NAALADL2: variants seen among roughly 807,000 people sequenced by gnomAD.
The protein encoded by NAALADL2 is N-acetylated alpha-linked acidic dipeptidase like 2, also known as inactive N-acetylated-alpha-linked acidic dipeptidase-like protein 2.
A neutral mutation model predicts 87.2 loss-of-function variants in NAALADL2; 76 were observed. The ratio of observed to expected loss-of-function variants is 0.87; its 90% CI spans 0.72 to 1.05. The LOEUF (loss-of-function observed/expected upper bound fraction) is 1.05. NAALADL2 is among the 50% of genes least tolerant of loss of function. NAALADL2 has a pLI of 0.00. For synonymous variants in NAALADL2, 354 were observed against 331.0 expected (o/e 1.07, Z -0.75); for missense variants, 1,089 against 945.8 (o/e 1.15, Z -1.99).
chr3:175,198,012 T>G (rs1580883383), intron 2 of NAALADL2, among the ~76,000 whole-genome samples: 1 of 152,248 alleles, frequency 6.6e-6, no homozygotes, highest in East Asian at 1.9e-4. Flanking sequence ...AAGATATTTT[T>G]GATACTTTAA....
chr3:174,507,509 G>C (rs73881199), intron 1 of NAALADL2, among the ~76,000 whole-genome samples: 4,785 of 151,796 alleles, frequency 0.032, 243 homozygotes, highest in African/African-American at 0.11. Flanking sequence ...GTATATAGCC[G>C]ACTACATTCA....
Position 175,487,198 on chromosome 3 carries a change from G to A in NAALADL2, c.1653+15440G>A, listed in dbSNP as rs184543791. On this transcript the variant is annotated intron_variant, in intron 9 of 13. Coordinates refer to ENST00000454872, the MANE Select transcript of NAALADL2 (RefSeq NM_207015.3). ...TTGCCATTGTGATTTTTCACAGCGA[G>A]ACCCACCTCATCTACCTTCTGTAAT... 3.3e-5 allele frequency among the ~76,000 whole-genome samples: 5 copies of A among 152,188 alleles called. No homozygotes were observed. The East Asian group carries it at 9.7e-4, about 29-fold the overall frequency.
At chr3:175,559,671 CT>C (rs1715952502) in intron 9 of NAALADL2, among the ~76,000 whole-genome samples, 1 of 152,082 alleles carries the variant, frequency 6.6e-6, no homozygotes, top group Non-Finnish European at 1.5e-5. Context: ...TTATTAAATG[CT>C]TTTTCAGCAT....
intron 1 of NAALADL2, among the ~76,000 whole-genome samples, chr3:175,033,976 A>G (rs1232894193): frequency 2.6e-5 from 4 of 152,152 alleles, no homozygotes; most frequent in African/African-American, 9.7e-5. Flanking sequence ...AAGCCTCACC[A>G]CTGTGTACGG....
intron 1 of NAALADL2, among the ~76,000 whole-genome samples, chr3:175,087,478 G>A (rs1221273547): frequency 6.6e-6 from 1 of 152,234 alleles, no homozygotes; most frequent in African/African-American, 2.4e-5. Context: ...AGGGGGAAAT[G>A]TGGGGAAAAG....
intron 5 of NAALADL2, among the ~76,000 whole-genome samples, chr3:175,397,594 A>G (rs1331830537): frequency 6.6e-6 from 1 of 152,166 alleles, no homozygotes; most frequent in Non-Finnish European, 1.5e-5. Context: ...AGGTTCAGTG[A>G]GCTGGACAAG....
chr3:174,922,878 T>G (rs1166243262), intron 1 of NAALADL2, among the ~76,000 whole-genome samples: 1 of 152,204 alleles, frequency 6.6e-6, no homozygotes, highest in African/African-American at 2.4e-5. Flanking sequence ...GACTTATCAG[T>G]ATGTCTTTTT....
chr3:175,393,040 C>T (rs577269600), intron 5 of NAALADL2, among the ~76,000 whole-genome samples: 152 of 151,710 alleles, frequency 1.0e-3, no homozygotes, highest in African/African-American at 3.6e-3. Context: ...TTTGGGAGGC[C>T]GAGGCGGGTG....
At chr3:174,780,081 T>C (rs575453043) in intron 3 of NAALADL2, among the ~76,000 whole-genome samples, 386 of 152,330 alleles carry the variant, frequency 2.5e-3, no homozygotes, top group Non-Finnish European at 3.8e-3. Flanking sequence ...ATTTTCATTA[T>C]ATTGATTCTT....
chr3:175,762,138 G>T (rs1748100644), intron 13 of NAALADL2, among the ~76,000 whole-genome samples: 1 of 147,802 alleles, frequency 6.8e-6, no homozygotes, highest in African/African-American at 2.5e-5. Context: ...TTACATTTAG[G>T]TCTATGATCC....
At chr3:175,726,510 C>T (rs1282727254) in intron 11 of NAALADL2, among the ~76,000 whole-genome samples, 1 of 152,062 alleles carries the variant, frequency 6.6e-6, no homozygotes, top group East Asian at 1.9e-4. Context: ...TGGGAAGATC[C>T]TGAGGTACCT....
intron 4 of NAALADL2, among the ~76,000 whole-genome samples, chr3:175,321,186 G>A (rs201975385): frequency 0.036 from 5,080 of 140,872 alleles, 148 homozygotes; most frequent in East Asian, 0.28. Context: ...TTCAATATAC[G>A]CAAATCAATA....
intron 2 of NAALADL2, among the ~76,000 whole-genome samples, chr3:175,175,924 G>A (rs554064113): frequency 2.0e-5 from 3 of 151,960 alleles, no homozygotes; most frequent in Non-Finnish European, 4.4e-5. Flanking sequence ...TTTATCTTCA[G>A]TTACCATCTT....
chr3:174,589,335 G>A (rs909586577), intron 2 of NAALADL2, among the ~76,000 whole-genome samples: 2 of 152,096 alleles, frequency 1.3e-5, no homozygotes, highest in East Asian at 1.9e-4. Context: ...CGGCTGAGGC[G>A]ATGCCCTGCC....
At chr3:175,662,025 G>A (rs1025658020) in intron 11 of NAALADL2, among the ~76,000 whole-genome samples, 4 of 151,782 alleles carry the variant, frequency 2.6e-5, no homozygotes, top group African/African-American at 9.7e-5. Context: ...TTCTATTACT[G>A]TGAAAATCAT....
rs1464812260 is a variant in NAALADL2, at chr3:174,647,256, C to T, written c.-114-90385C>T. Among the ~76,000 whole-genome samples, 5 of 152,206 alleles carry T rather than the reference C, an allele frequency of 3.3e-5. No homozygotes were observed. In the East Asian group the frequency reaches 7.7e-4, roughly 24 times the overall value. On this transcript the variant is annotated intron_variant, in intron 2 of 3. Transcript: ENST00000434257. Reference sequence around the variant, plus strand: ...AAGGTAAATTACTTGCTCAAGGTTGCATTGTTAGTAATTATCAAAACTGAG... The same window carrying T: ...AAGGTAAATTACTTGCTCAAGGTTGTATTGTTAGTAATTATCAAAACTGAG...
In NAALADL2 at chr3:174,916,271, TA is replaced by T. The variant is rs543157720; in HGVS notation, c.43+56824del. 7.2e-5 allele frequency among the ~76,000 whole-genome samples: 11 copies of T among 152,234 alleles called. No individual in the cohort carries two copies. The South Asian group carries it at 1.0e-3, about 14-fold the overall frequency. On this transcript the variant is annotated intron_variant, in intron 1 of 13. Transcript: ENST00000454872. ...ACACATTAATACTGTGGTGGGAATG[TA>T]AATTAGTACAACCACTGTGGAAAAC...
chr3:175,145,014 C>T (rs1481961790), intron 2 of NAALADL2, among the ~76,000 whole-genome samples: 1 of 151,748 alleles, frequency 6.6e-6, no homozygotes, highest in Non-Finnish European at 1.5e-5. Flanking sequence ...CACCATGTTC[C>T]TCTTTCCTTG....
chr3:174,855,881 C>CACATAG (rs1560290703), upstream of NAALADL2, among the ~76,000 whole-genome samples: 63 of 141,214 alleles, frequency 4.5e-4, 2 homozygotes, highest in African/African-American at 9.9e-4. Flanking sequence ...TATATACATA[C>CACATAG]ATATGAATAT....
Sources: allele counts gnomAD v4.1 joint callset (sites outside exome capture counted in the v4.1 genomes callset), GRCh38; gene constraint gnomAD v4.1.1; transcripts MANE v1.5; gene names NCBI Gene and HGNC (gene_info 2026-07-23, HGNC 2026-07-21).